RCOR1: variants seen among roughly 807,000 people sequenced by gnomAD.
RCOR1 encodes REST corepressor 1.
RCOR1 carries 12 observed loss-of-function variants against 64.0 expected under a neutral mutation model. That is an observed-to-expected ratio of 0.19 (90% CI 0.12 to 0.30). The LOEUF (loss-of-function observed/expected upper bound fraction) is 0.30, where lower values mean the gene tolerates loss of function less well. Ranked by LOEUF, RCOR1 falls within the 10% of genes least tolerant of loss-of-function variation. The pLI, the probability that RCOR1 is intolerant of heterozygous loss-of-function variation, is 1.00. For synonymous variants in RCOR1, 279 were observed against 227.2 expected (o/e 1.23, Z -2.05); for missense variants, 502 against 621.2 (o/e 0.81, Z 2.04).
chr14:102,696,358 G>A (rs1354126153), intron 3 of RCOR1, among the ~76,000 whole-genome samples: 2 of 152,100 alleles, frequency 1.3e-5, no homozygotes, highest in African/African-American at 4.8e-5. Flanking sequence ...GTGATATTAT[G>A]AGGAAGCCCA....
At chr14:102,718,806 G>A (rs1330123481) in intron 8 of RCOR1, among the ~76,000 whole-genome samples, 1 of 151,910 alleles carries the variant, frequency 6.6e-6, no homozygotes, top group Non-Finnish European at 1.5e-5. Flanking sequence ...TTTGTTTTTT[G>A]GAGACAGGAT....
intron 2 of RCOR1, among the ~76,000 whole-genome samples, chr14:102,599,381 C>G (rs1165016089): frequency 6.6e-6 from 1 of 152,184 alleles, no homozygotes; most frequent in Non-Finnish European, 1.5e-5. Flanking sequence ...ATCTGCCTGC[C>G]TTGGCCTCCC....
At chr14:102,618,083 C>G (rs565364745) in intron 2 of RCOR1, among the ~76,000 whole-genome samples, 1 of 151,314 alleles carries the variant, frequency 6.6e-6, no homozygotes, top group Non-Finnish European at 1.5e-5. Flanking sequence ...AAGTGATTCC[C>G]GTGCCTCAGC....
intron 2 of RCOR1, among the ~76,000 whole-genome samples, chr14:102,634,604 G>A (rs796623076): frequency 4.2e-5 from 6 of 144,174 alleles, no homozygotes; most frequent in South Asian, 4.2e-4. Context: ...TATATTACGT[G>A]TGTGTGTGTA....
At chr14:102,604,349 T>C (rs1208271467) in intron 2 of RCOR1, among the ~76,000 whole-genome samples, 2 of 152,186 alleles carry the variant, frequency 1.3e-5, no homozygotes, top group African/African-American at 4.8e-5. Context: ...CTAACAGCTG[T>C]CTTAGGGATT....
intron 8 of RCOR1, among the ~76,000 whole-genome samples, chr14:102,715,797 T>C (rs1418432348): frequency 6.6e-6 from 1 of 152,242 alleles, no homozygotes; most frequent in Non-Finnish European, 1.5e-5. Context: ...ACCTGAGAGC[T>C]AAACAGTTTT....
In RCOR1 at chr14:102,726,998, A is replaced by G. The variant is rs1896279468; in HGVS notation, c.*492A>G. The G allele has an allele frequency of 1.3e-5, 2 of 155,058 alleles. No homozygotes were observed. The highest frequency in any genetic ancestry group is 2.4e-5 in the African/African-American group (1 of 41,512). 9.6% of individuals were successfully genotyped at this position (155,058 alleles called of 1,614,324 possible). A position where few individuals can be genotyped will look rare whatever the true frequency, so the allele number is the denominator to read the frequency against. ...CTGAGACAACCACCTAAGTGATAAT[A>G]CGCTTTTTTGGAAACTAATATATAT... On this transcript the variant is annotated 3_prime_UTR_variant, in exon 12 of 12. Transcript: ENST00000262241.
chr14:102,686,077 T>A (rs935937752), intron 3 of RCOR1, among the ~76,000 whole-genome samples: 3 of 152,202 alleles, frequency 2.0e-5, no homozygotes, highest in African/African-American at 7.2e-5. Context: ...TGGAAATATG[T>A]ACATCTGATA....
intron 3 of RCOR1, among the ~76,000 whole-genome samples, chr14:102,683,192 TA>T (rs1476597999): frequency 1.3e-5 from 2 of 152,198 alleles, no homozygotes; most frequent in Non-Finnish European, 2.9e-5. Flanking sequence ...ACAATCGTTT[TA>T]AGTTTAAAGT....
chr14:102,606,017 C>T (rs1261243218), intron 2 of RCOR1, among the ~76,000 whole-genome samples: 1 of 152,126 alleles, frequency 6.6e-6, no homozygotes, highest in African/African-American at 2.4e-5. Context: ...CCTCTGCTTC[C>T]CTGCTTCCAG....
At chr14:102,648,651 C>CAT (rs913563935) in intron 2 of RCOR1, among the ~76,000 whole-genome samples, 1 of 152,180 alleles carries the variant, frequency 6.6e-6, no homozygotes, top group Non-Finnish European at 1.5e-5. Flanking sequence ...TCTGCCTACA[C>CAT]ATATATATAA....
At chr14:102,608,090 T>C (rs1007806280) in intron 2 of RCOR1, among the ~76,000 whole-genome samples, 3 of 151,970 alleles carry the variant, frequency 2.0e-5, no homozygotes, top group Non-Finnish European at 4.4e-5. Flanking sequence ...CGTTTTACAA[T>C]GAACAATTCA....
chr14:102,708,091 G>A (rs1895890593), intron 5 of RCOR1, among the ~76,000 whole-genome samples: 2 of 151,166 alleles, frequency 1.3e-5, no homozygotes, highest in Non-Finnish European at 2.9e-5. Flanking sequence ...TCAGCCTCCC[G>A]AGTAGCTGGG....
rs35233018 is a variant in RCOR1 at position 102,650,197 on chromosome 14, CAAAAAAA to C, written c.362-31687_362-31681del. Among the ~76,000 whole-genome samples the C allele has an allele frequency of 2.9e-4, 24 of 83,802 alleles. No homozygotes were observed. In the South Asian group the frequency reaches 6.6e-3, roughly 23 times the overall value. 55.0% of individuals were successfully genotyped at this position (83,802 alleles called of 152,430 possible). ...TGGGCGACAGAGCGAGACTCCACCG[CAAAAAAA>C]AAAAAAAAAAGAATCATAGTGGCCA... is the stretch of plus-strand genomic sequence containing the variant. On this transcript the variant is annotated intron_variant, in intron 2 of 11. Coordinates refer to ENST00000262241, the MANE Select transcript of RCOR1 (RefSeq NM_015156.4).
At chr14:102,701,368 T>C in intron 4 of RCOR1, 38 bp downstream of exon 4, 1 of 1,442,952 alleles carries the variant, frequency 6.9e-7, no homozygotes, top group African/African-American at 1.5e-5. Context: ...TGTTAAAAAA[T>C]GAGTATTTGT....
At chr14:102,627,572 G>T (rs922176542) in intron 2 of RCOR1, among the ~76,000 whole-genome samples, 2 of 151,512 alleles carry the variant, frequency 1.3e-5, no homozygotes, top group Non-Finnish European at 2.9e-5. Context: ...CAGGAGAATC[G>T]CTTGAACCCG....
intron 2 of RCOR1, chr14:102,657,010 T>C: frequency 1.3e-6 from 1 of 794,116 alleles, no homozygotes; most frequent in Non-Finnish European, 1.5e-6. Context: ...CCTGACCTCA[T>C]GTGATCCACC....
At chr14:102,665,107 G>A (rs1894892165) in intron 2 of RCOR1, among the ~76,000 whole-genome samples, 1 of 152,058 alleles carries the variant, frequency 6.6e-6, no homozygotes. Flanking sequence ...CCGGGTTCAA[G>A]CGATTCTTCT....
At chr14:102,639,121 T>C (rs1894305111) in intron 2 of RCOR1, among the ~76,000 whole-genome samples, 2 of 152,210 alleles carry the variant, frequency 1.3e-5, no homozygotes, top group African/African-American at 2.4e-5. Context: ...GCTTGTAATG[T>C]ATTAAGATTT....
Sources: allele counts gnomAD v4.1 joint callset (sites outside exome capture counted in the v4.1 genomes callset), GRCh38; gene constraint gnomAD v4.1.1; transcripts MANE v1.5; gene names NCBI Gene and HGNC (gene_info 2026-07-23, HGNC 2026-07-21).